Variants in SPATA33 observed in about 807,000 individuals in gnomAD.
SPATA33 encodes spermatogenesis-associated protein 33.
In SPATA33, 10 loss-of-function variants were observed where a neutral mutation model predicts 8.9. The ratio of observed to expected loss-of-function variants is 1.12; its 90% CI spans 0.69 to 1.90. SPATA33 has a LOEUF of 1.90. Ranked by LOEUF, SPATA33 falls within the 40% of genes most tolerant of loss-of-function variation. The pLI is 0.00. For synonymous variants in SPATA33, 96 were observed against 72.8 expected, an observed-to-expected ratio of 1.32 and a Z score of -1.63; for missense variants, 241 against 178.3, an observed-to-expected ratio of 1.35 and a Z score of -2.00.
At chr16:89,659,016 G>A (rs1481892281) in intron 2 of SPATA33, 1 of 153,118 alleles carries the variant, frequency 6.5e-6, no homozygotes, top group African/African-American at 2.4e-5. Flanking sequence ...AAACAACGGA[G>A]GTGCTGCCTG....
intron 2 of SPATA33, among the ~76,000 whole-genome samples, chr16:89,664,474 A>G (rs1322379447): frequency 6.6e-6 from 1 of 152,176 alleles, no homozygotes; most frequent in African/African-American, 2.4e-5. Context: ...TCATCCATTG[A>G]GTTTGACGTC....
chr16:89,659,013 G>A (rs1434096492), intron 2 of SPATA33: 1 of 153,328 alleles, frequency 6.5e-6, no homozygotes, highest in South Asian at 2.0e-4. Context: ...TTTAAACAAC[G>A]GAGGTGCTGC....
intron 2 of SPATA33, among the ~76,000 whole-genome samples, chr16:89,668,621 G>T (rs1472923153): frequency 2.6e-5 from 4 of 151,606 alleles, no homozygotes; most frequent in Non-Finnish European, 4.4e-5. Flanking sequence ...CTCCAGGAAG[G>T]GGGCGGGCGG....
chr16:89,657,785 C>T (rs1249640563), upstream of SPATA33: 5 of 1,454,442 alleles, frequency 3.4e-6, no homozygotes, highest in South Asian at 2.9e-5. Context: ...GGCGCGGCTG[C>T]GCGGCGCGCG....
Position 89,669,628 on chromosome 16 carries a change from G to A in SPATA33, c.*131G>A. ...GGTTGCACCAGGCCCACCCCACCCT[G>A]TGAGAAACTGCAGCCCCCTTCTCCA... On this transcript the variant is annotated 3_prime_UTR_variant, in exon 3 of 3. Coordinates refer to ENST00000579310, the MANE Select transcript of SPATA33 (RefSeq NM_001271907.2). 1.2e-6 allele frequency: 1 copy of A among 842,122 alleles called. No individual in the cohort carries two copies. Among genetic ancestry groups the A allele is most frequent in the South Asian group, 1.7e-5 (1 of 58,388 alleles). The allele number at this position is 842,122 out of a possible 1,614,324, so 52.2% of individuals were successfully genotyped here.
At chr16:89,666,189 C>G (rs1366705188) in intron 2 of SPATA33, among the ~76,000 whole-genome samples, 1 of 152,058 alleles carries the variant, frequency 6.6e-6, no homozygotes, top group Non-Finnish European at 1.5e-5. Flanking sequence ...TAAAAAAAAG[C>G]CAGATATGGT....
Position 89,669,272 on chromosome 16 carries a change from G to GT in SPATA33, c.212-8dup, listed in dbSNP as rs760938797. ...CCACACATCTACTAAATGCCTGGAT[G>GT]TTTTTTCCTCTAGAGAAACCTGATG... On this transcript the variant is annotated splice_polypyrimidine_tract_variant and intron_variant, in intron 2 of 2. Transcript: ENST00000579310. The GT allele has an allele frequency of 5.4e-5, 87 of 1,613,606 alleles. 1 individual carries two copies. In the Middle Eastern group the frequency reaches 1.6e-3, roughly 30 times the overall value.
At chr16:89,660,788 A>T in intron 2 of SPATA33, 2 of 1,032,744 alleles carry the variant, frequency 1.9e-6, no homozygotes, top group Non-Finnish European at 2.5e-6. Context: ...ATGGTTTTCG[A>T]CCTGAATCTG....
intron 2 of SPATA33, chr16:89,658,817 G>A (rs1345416766): frequency 8.5e-6 from 2 of 236,140 alleles, no homozygotes; most frequent in Non-Finnish European, 8.6e-6. Context: ...GGGCTGTGGG[G>A]ATAAGTACAT....
At chr16:89,662,849 A>G (rs569030303) in intron 2 of SPATA33, among the ~76,000 whole-genome samples, 218 of 152,140 alleles carry the variant, frequency 1.4e-3, no homozygotes, top group African/African-American at 5.0e-3. Flanking sequence ...GCTGGAGTGC[A>G]GTGGCACAAT....
chr16:89,665,396 C>G (rs1471106656), intron 2 of SPATA33, among the ~76,000 whole-genome samples: 1 of 152,124 alleles, frequency 6.6e-6, no homozygotes. Flanking sequence ...GCTCCGCCTC[C>G]CGGGTTCATG....
At chr16:89,664,183 T>C (rs1366240607) in intron 2 of SPATA33, among the ~76,000 whole-genome samples, 6 of 152,062 alleles carry the variant, frequency 3.9e-5, no homozygotes, top group Non-Finnish European at 8.8e-5. Context: ...ATGTTAAACC[T>C]CTCCCCAAAC....
At position 89,660,482 on chromosome 16, in the gene SPATA33, G is replaced by A. The variant is rs561882118; in HGVS notation, c.211+2061G>A. The A allele has an allele frequency of 8.1e-6, 10 of 1,231,960 alleles. No individual in the cohort carries two copies. The East Asian group carries it at 1.3e-4, about 16-fold the overall frequency. 76.3% of individuals were successfully genotyped at this position (1,231,960 alleles called of 1,614,324 possible). A position where few individuals can be genotyped will look rare whatever the true frequency, so the allele number is the denominator to read the frequency against. On this transcript the variant is annotated intron_variant, in intron 2 of 2. Coordinates refer to ENST00000579310, the MANE Select transcript of SPATA33 (RefSeq NM_001271907.2). ...GTGGACATGAAGGGAAAACAGCAGAGCAAGAGTGAGAACAGAGTTTCAGCA... is the reference window on the plus strand; with the variant it reads ...GTGGACATGAAGGGAAAACAGCAGAACAAGAGTGAGAACAGAGTTTCAGCA...
chr16:89,657,786 G>T, upstream of SPATA33: 1 of 1,457,056 alleles, frequency 6.9e-7, no homozygotes, highest in East Asian at 2.8e-5. Context: ...GCGCGGCTGC[G>T]CGGCGCGCGG....
At chr16:89,666,593 G>A (rs543335075) in intron 2 of SPATA33, among the ~76,000 whole-genome samples, 59 of 152,240 alleles carry the variant, frequency 3.9e-4, no homozygotes, top group South Asian at 2.9e-3. Context: ...ATGAGAGAGC[G>A]TAGAAATAAA....
In SPATA33 at chr16:89,669,347, C is replaced by T. The variant is rs2060066940; in HGVS notation, c.273C>T (p.Ile91=). 6.2e-7 allele frequency: 1 copy of T among 1,614,080 alleles called. No individual in the cohort carries two copies. The highest frequency in any genetic ancestry group is 1.1e-5 in the South Asian group (1 of 91,084). ...RKKVVVPQII[I]TRASNETLVS... is the part of the protein sequence containing the mutation. ...AAGTGGTCGTTCCACAGATCATCATCACGCGAGCGTCGAATGAGACGCTAG... is the reference window on the plus strand; with the variant it reads ...AAGTGGTCGTTCCACAGATCATCATTACGCGAGCGTCGAATGAGACGCTAG... The change falls in exon 3 of 3, where the codon ATC becomes ATT. Residue 91 remains isoleucine, a synonymous_variant. Coordinates refer to ENST00000579310, the MANE Select transcript of SPATA33 (RefSeq NM_001271907.2).
chr16:89,665,195 A>G (rs1009220806), intron 2 of SPATA33, among the ~76,000 whole-genome samples: 8 of 152,064 alleles, frequency 5.3e-5, no homozygotes, highest in African/African-American at 1.7e-4. Context: ...CGGTTTTGTC[A>G]TGTTGCCCAG....
chr16:89,661,863 T>C (rs2059970099), intron 2 of SPATA33, among the ~76,000 whole-genome samples: 1 of 152,134 alleles, frequency 6.6e-6, no homozygotes, highest in Non-Finnish European at 1.5e-5. Flanking sequence ...GACAGTCAGA[T>C]TGGGTATTTG....
At chr16:89,659,705 AAGG>A (rs2059939234) in intron 2 of SPATA33, 2 of 152,068 alleles carry the variant, frequency 1.3e-5, no homozygotes, top group African/African-American at 2.4e-5. Flanking sequence ...AAAAAATAAT[AAGG>A]AGAGAACCAC....
Sources: gnomAD v4.1 joint callset for allele counts (sites outside exome capture counted in the v4.1 genomes callset) on GRCh38, gnomAD v4.1.1 for gene constraint, MANE v1.5 for transcripts, NCBI Gene and HGNC (gene_info 2026-07-23, HGNC 2026-07-21) for gene names.